The following GPHN variants were observed in gnomAD, a reference collection of about 807,000 sequenced individuals.
GPHN encodes the protein gephyrin.
A neutral mutation model predicts 95.5 loss-of-function variants in GPHN; 17 were observed. That is an observed-to-expected ratio of 0.18 (90% CI 0.12 to 0.27). The LOEUF is 0.27. Among genes scored for constraint, GPHN ranks in the 10% least tolerant of loss-of-function variants. GPHN has a pLI of 1.00. For missense variants in GPHN, 660 were observed against 978.1 expected (o/e 0.67, Z 4.34); for synonymous variants, 320 against 322.5 (o/e 0.99, Z 0.08).
At chr14:66,574,048 A>G (rs1208891548) in intron 1 of GPHN, among the ~76,000 whole-genome samples, 1 of 152,172 alleles carries the variant, frequency 6.6e-6, no homozygotes, top group Admixed American at 6.5e-5. Flanking sequence ...TGCTACTACT[A>G]ACTTTGCATT....
At chr14:67,653,358 C>G in the GPHN span, 1 of 1,303,832 alleles carries the variant, frequency 7.7e-7, no homozygotes, top group South Asian at 1.2e-5. Flanking sequence ...TTATGAGGAC[C>G]TTTGTAAGTC....
At chr14:66,924,369 A>G in intron 8 of GPHN, 77 bp downstream of exon 8, 1 of 811,102 alleles carries the variant, frequency 1.2e-6, no homozygotes, top group Non-Finnish European at 2.1e-6. Flanking sequence ...AGGCTGTAAC[A>G]TATGGAAGAT....
the GPHN span, chr14:67,332,681 C>A: frequency 1.8e-6 from 2 of 1,127,828 alleles, no homozygotes; most frequent in East Asian, 2.6e-5. Flanking sequence ...AGAAGGAAAG[C>A]TATGAAGGTC....
chr14:67,036,540 C>CACACACACACACACACACACACACAG (rs946760546), intron 10 of GPHN, among the ~76,000 whole-genome samples: 3 of 148,222 alleles, frequency 2.0e-5, no homozygotes, highest in African/African-American at 7.5e-5. Flanking sequence ...CACACACACA[C>CACACACACACACACACACACACACAG]AGAGAAACAC....
intron 9 of GPHN, among the ~76,000 whole-genome samples, chr14:66,988,121 CTCTT>C (rs951303520): frequency 1.3e-5 from 2 of 150,848 alleles, no homozygotes; most frequent in Non-Finnish European, 2.9e-5. Context: ...TCTTTTCCCC[CTCTT>C]TCTTTCTTTT....
the GPHN span, among the ~76,000 whole-genome samples, chr14:67,299,925 T>C: frequency 6.6e-6 from 1 of 152,226 alleles, no homozygotes; most frequent in African/African-American, 2.4e-5. Context: ...AGGTGTATGA[T>C]CAAGACTACA....
At chr14:67,474,297 C>G in the GPHN span, among the ~76,000 whole-genome samples, 1 of 151,568 alleles carries the variant, frequency 6.6e-6, no homozygotes, top group Non-Finnish European at 1.5e-5. Context: ...ACAGAATAAC[C>G]CACCCACCCC....
chr14:66,967,034 A>AT (rs1373218046), intron 9 of GPHN, among the ~76,000 whole-genome samples: 1 of 151,846 alleles, frequency 6.6e-6, no homozygotes, highest in East Asian at 1.9e-4. Flanking sequence ...TTGTCTTGAT[A>AT]TTTTTTCCTT....
chr14:66,645,951 T>G (rs1353271721), intron 1 of GPHN, among the ~76,000 whole-genome samples: 2 of 152,072 alleles, frequency 1.3e-5, no homozygotes, highest in Admixed American at 1.3e-4. Context: ...AAACCACATC[T>G]TCCGTTCTCT....
intron 3 of GPHN, among the ~76,000 whole-genome samples, chr14:66,821,520 C>T (rs2061189438): frequency 6.6e-6 from 1 of 152,092 alleles, no homozygotes; most frequent in African/African-American, 2.4e-5. Flanking sequence ...AGAGATACTG[C>T]CTTATTTATC....
At chr14:66,771,633 G>A (rs1399159037) in intron 2 of GPHN, among the ~76,000 whole-genome samples, 1 of 151,924 alleles carries the variant, frequency 6.6e-6, no homozygotes, top group Non-Finnish European at 1.5e-5. Context: ...GTGCAGGTTA[G>A]TTACATATGT....
the GPHN span, chr14:67,587,342 C>G: frequency 2.4e-6 from 3 of 1,266,446 alleles, no homozygotes; most frequent in East Asian, 2.3e-5. Context: ...CCCGGCTACT[C>G]TTGTTCTGTG....
intron 16 of GPHN, among the ~76,000 whole-genome samples, chr14:67,115,146 T>C (rs2078603256): frequency 6.6e-6 from 1 of 152,140 alleles, no homozygotes; most frequent in African/African-American, 2.4e-5. Context: ...TTATTCAAAG[T>C]TAGTTTTTAT....
At chr14:67,396,596 A>G in the GPHN span, among the ~76,000 whole-genome samples, 3 of 152,126 alleles carry the variant, frequency 2.0e-5, no homozygotes, top group African/African-American at 7.2e-5. Flanking sequence ...CAGAAGCCAC[A>G]CCCACCTCTC....
rs1242953289 is a variant in GPHN at position 67,180,741 on chromosome 14, A to G, written c.2177-63A>G. ...GTCTGTTTACATTTTGAAAAGGTCT[A>G]CAAGGGCCCAACTGTATACGCCATG... On this transcript the variant is annotated intron_variant, in intron 22 of 22. Coordinates refer to ENST00000478722, the MANE Select transcript of GPHN (RefSeq NM_020806.5). The G allele has an allele frequency of 6.5e-6, 10 of 1,533,826 alleles. No individual in the cohort carries two copies. The Admixed American group carries it at 6.9e-5, about 11-fold the overall frequency.
the GPHN span, among the ~76,000 whole-genome samples, chr14:67,535,159 GA>G: frequency 3.3e-5 from 5 of 152,206 alleles, no homozygotes; most frequent in Admixed American, 6.5e-5. Context: ...ACATACATAT[GA>G]ATGCCTGTAG....
the GPHN span, among the ~76,000 whole-genome samples, chr14:67,475,380 C>T: frequency 1.3e-5 from 2 of 152,148 alleles, no homozygotes; most frequent in Admixed American, 1.3e-4. Context: ...TGAGTCCCTG[C>T]TCTCAACTCT....
intron 10 of GPHN, among the ~76,000 whole-genome samples, chr14:67,028,417 A>T (rs2074030484): frequency 6.6e-6 from 1 of 152,050 alleles, no homozygotes; most frequent in Non-Finnish European, 1.5e-5. Flanking sequence ...TGGTAGTTCT[A>T]TTTGTAGTTT....
intron 1 of GPHN, among the ~76,000 whole-genome samples, chr14:66,523,506 C>T (rs1417431754): frequency 6.6e-6 from 1 of 151,914 alleles, no homozygotes. Flanking sequence ...GACATAATAC[C>T]TTTGATGAAC....
Sources: allele counts gnomAD v4.1 joint callset (sites outside exome capture counted in the v4.1 genomes callset), GRCh38; gene constraint gnomAD v4.1.1; transcripts MANE v1.5; gene names NCBI Gene and HGNC (gene_info 2026-07-23, HGNC 2026-07-21).